Variants in ZNF462 observed in about 807,000 individuals in gnomAD.
The protein encoded by ZNF462 is zinc finger PBX1-interacting protein.
In ZNF462, 10 loss-of-function variants were observed where a neutral mutation model predicts 201.9. That is an observed-to-expected ratio of 0.05 (90% CI 0.03 to 0.08). The LOEUF (loss-of-function observed/expected upper bound fraction) is 0.08. Among genes scored for constraint, ZNF462 ranks in the 10% least tolerant of loss-of-function variants. ZNF462 has a pLI of 1.00. For synonymous variants in ZNF462, 1,227 were observed against 1,193.3 expected (o/e 1.03, Z -0.58); for missense variants, 2,523 against 3,168.3 (o/e 0.80, Z 4.89).
intron 1 of ZNF462, among the ~76,000 whole-genome samples, chr9:106,916,271 C>G (rs75141999): frequency 6.6e-6 from 1 of 152,106 alleles, no homozygotes; most frequent in African/African-American, 2.4e-5. Context: ...GCCATGAAGA[C>G]GCACCCAAGG....
intron 5 of ZNF462, among the ~76,000 whole-genome samples, chr9:106,934,655 C>G (rs1220075150): frequency 6.6e-6 from 1 of 152,148 alleles, no homozygotes; most frequent in Non-Finnish European, 1.5e-5. Flanking sequence ...GAGCTCAGGA[C>G]AGCATTATAT....
intron 9 of ZNF462, among the ~76,000 whole-genome samples, chr9:106,983,923 A>G (rs1827634013): frequency 6.6e-6 from 1 of 152,160 alleles, no homozygotes; most frequent in Non-Finnish European, 1.5e-5. Flanking sequence ...GCAAGCACCT[A>G]CTAGCCCACC....
intron 1 of ZNF462, among the ~76,000 whole-genome samples, chr9:106,891,031 T>C (rs975686643): frequency 5.3e-5 from 8 of 152,182 alleles, no homozygotes; most frequent in Admixed American, 1.3e-4. Context: ...TTAGCTAATT[T>C]AGTAAAAAAG....
chr9:106,912,782 T>G (rs2131318889), intron 1 of ZNF462, among the ~76,000 whole-genome samples: 1 of 152,296 alleles, frequency 6.6e-6, no homozygotes, highest in South Asian at 2.1e-4. Flanking sequence ...TATTGATGGT[T>G]AACTTTTAGA....
intron 1 of ZNF462, among the ~76,000 whole-genome samples, chr9:106,879,102 T>C (rs1362401813): frequency 6.6e-6 from 1 of 152,196 alleles, no homozygotes; most frequent in East Asian, 1.9e-4. Flanking sequence ...ACTGGTAATG[T>C]GTCCAGTTGC....
rs1275646450 is a variant in ZNF462, at chr9:106,939,126, G to A, written c.6427+19G>A. ...TCCAATGGTAAAAATGGGCTTCCAAGCTGGAATTAACCACTCAGGGTTGAG... is the reference window on the plus strand; with the variant it reads ...TCCAATGGTAAAAATGGGCTTCCAAACTGGAATTAACCACTCAGGGTTGAG... On this transcript the variant is annotated intron_variant, in intron 7 of 12. Coordinates refer to ENST00000277225, the MANE Select transcript of ZNF462 (RefSeq NM_021224.6). 6.4e-7 allele frequency: 1 copy of A among 1,568,234 alleles called. No individual in the cohort carries two copies. Among genetic ancestry groups the A allele is most frequent in the Non-Finnish European group, 8.6e-7 (1 of 1,157,352 alleles).
chr9:106,974,367 T>C lies in ZNF462; in HGVS notation c.6832+94T>C. 1 of 1,570,486 alleles carries C rather than the reference T, an allele frequency of 6.4e-7. No individual in the cohort carries two copies. The highest frequency in any genetic ancestry group is 8.8e-7 in the Non-Finnish European group (1 of 1,140,952). On this transcript the variant is annotated intron_variant, in intron 9 of 12. Transcript: ENST00000277225. This position sits in a 1 kb window ranked among gnomAD's most constrained non-coding sequence, Gnocchi z 4.0. The stretch of plus-strand genomic sequence containing the variant: ...GCTCTCTCAGAGTGGCAGTAGCACC[T>C]GTGCCTTGTTCCTCACCTTATCTTC...
In ZNF462 at chr9:106,866,132, C is replaced by G. The variant is rs116771168; in HGVS notation, c.-31+2777C>G. ...TTCTAAGGAGGCTAATTGGACCTTG[C>G]TTTCAACTAAGAAGAAATATAGAAA... On this transcript the variant is annotated intron_variant, in intron 1 of 12. Transcript: ENST00000277225. Among the ~76,000 whole-genome samples, 504 of 152,288 alleles carry G rather than the reference C, an allele frequency of 3.3e-3. 1 individual carries two copies. Among genetic ancestry groups the G allele is most frequent in the African/African-American group, 0.012 (482 of 41,560 alleles).
chr9:106,947,197 C>G (rs575253778), intron 7 of ZNF462, among the ~76,000 whole-genome samples: 1 of 152,306 alleles, frequency 6.6e-6, no homozygotes, highest in African/African-American at 2.4e-5. Flanking sequence ...TCGTCAAGTT[C>G]AACCCAAAGG....
In ZNF462 at chr9:106,895,433, C is replaced by G. The variant is rs1402365727; in HGVS notation, c.-30-27921C>G. 6.6e-6 allele frequency among the ~76,000 whole-genome samples: 1 copy of G among 152,192 alleles called. No individual in the cohort carries two copies. Among genetic ancestry groups the G allele is most frequent in the East Asian group, 1.9e-4 (1 of 5,188 alleles). On this transcript the variant is annotated intron_variant, in intron 1 of 12. Transcript: ENST00000277225. The surrounding 1 kb of genome is among the most constrained non-coding windows in gnomAD (Gnocchi z 4.4). The stretch of plus-strand genomic sequence containing the variant: ...CCTTTATCTCTTCCCTGGACCATCT[C>G]AGCAGCTGCTTAGCAGCCTGTTTCC...
At position 106,923,982 on chromosome 9, in the gene ZNF462, T is replaced by C. The variant is rs976559787; in HGVS notation, c.221-151T>C. 1.5e-6 allele frequency: 1 copy of C among 671,438 alleles called. No homozygotes were observed. The highest frequency in any genetic ancestry group is 1.8e-5 in the African/African-American group (1 of 55,000). 41.6% of individuals were successfully genotyped at this position (671,438 alleles called of 1,614,324 possible). On this transcript the variant is annotated intron_variant, in intron 2 of 12. Coordinates refer to ENST00000277225, the MANE Select transcript of ZNF462 (RefSeq NM_021224.6). The surrounding 1 kb of genome is among the most constrained non-coding windows in gnomAD (Gnocchi z 5.6). ...CAGTACGTATATCTTCATTGATGCT[T>C]TGTGAATACTCTTCAAGGCCTCATC...
Position 107,003,526 on chromosome 9 carries a change from T to G in ZNF462, c.7189+100T>G. ...GTTGTTGTAGGAGTAACAGAAGGAA[T>G]GATCCTTCTTAGTTAAGTAGCAGAA... On this transcript the variant is annotated intron_variant, in intron 11 of 12. Transcript: ENST00000277225. This position sits in a 1 kb window ranked among gnomAD's most constrained non-coding sequence, Gnocchi z 4.4. The G allele has an allele frequency of 7.0e-7, 1 of 1,426,838 alleles. No individual in the cohort carries two copies. The highest frequency in any genetic ancestry group is 9.4e-7 in the Non-Finnish European group (1 of 1,061,916). The allele number at this position is 1,426,838 out of a possible 1,614,324, so 88.4% of individuals were successfully genotyped here.
intron 10 of ZNF462, among the ~76,000 whole-genome samples, chr9:106,986,636 G>A (rs748143395): frequency 5.9e-5 from 9 of 151,886 alleles, no homozygotes; most frequent in Non-Finnish European, 1.0e-4. Context: ...TTTTTCCATT[G>A]AGTATTGCGA....
chr9:106,911,092 C>T (rs1829531472), intron 1 of ZNF462, among the ~76,000 whole-genome samples: 2 of 149,184 alleles, frequency 1.3e-5, no homozygotes, highest in African/African-American at 2.4e-5. Context: ...GTGTCATGAA[C>T]CCTTCTGAAG....
In ZNF462 at chr9:106,927,165, G is replaced by A. The variant is rs768535431; in HGVS notation, c.3253G>A (p.Val1085Met). The part of the protein sequence containing the change: ...GSALSQLSFE[V>M]GAPMSPKMSN... ...TGCCCTTTCTCAATTATCATTTGAG[G>A]TGGGTGCTCCAATGTCTCCCAAAAT... Residue 1085 changes from valine (V) to methionine (M), a missense_variant, in exon 3 of 13, where the codon GTG becomes ATG. Val to Met is a conservative substitution (Grantham distance 21). Around this residue, in one of 15 missense-constraint regions of ZNF462, gnomAD observed 280 missense variants for 321.3 expected, o/e 0.87. Transcript: ENST00000277225. 3.1e-6 allele frequency: 5 copies of A among 1,613,880 alleles called. No individual in the cohort carries two copies. The highest frequency in any genetic ancestry group is 4.2e-6 in the Non-Finnish European group (5 of 1,180,004).
chr9:106,928,815 A>G lies in ZNF462; in HGVS notation c.4903A>G (p.Thr1635Ala). The change falls in exon 3 of 13, where the codon ACT (threonine) becomes GCT (alanine). Residue 1635 changes from threonine (T) to alanine (A), a missense_variant. Physicochemically the swap from Thr to Ala is moderately conservative, Grantham distance 58 (BLOSUM62 0). Transcript: ENST00000277225. The surrounding 1 kb of genome is among the most constrained non-coding windows in gnomAD (Gnocchi z 9.3). ...TEVSPSQVSI[T>A]EEEVGEEPVS... ...AGTGAGCCCTTCCCAAGTCTCCATC[A>G]CTGAGGAGGAGGTGGGAGAGGAGCC... The G allele has an allele frequency of 6.2e-7, 1 of 1,614,018 alleles. No individual in the cohort carries two copies. Among genetic ancestry groups the G allele is most frequent in the African/African-American group, 1.3e-5 (1 of 74,982 alleles).
chr9:106,984,138 T>A lies in ZNF462; in HGVS notation c.6833-48T>A. 6.5e-7 allele frequency: 1 copy of A among 1,538,298 alleles called. No individual in the cohort carries two copies. The highest frequency in any genetic ancestry group is 8.9e-7 in the Non-Finnish European group (1 of 1,124,806). On this transcript the variant is annotated intron_variant, in intron 9 of 12. Transcript: ENST00000277225. The surrounding 1 kb of genome is among the most constrained non-coding windows in gnomAD (Gnocchi z 6.4). ...GTATTCCAAAGAAAGAACTTCTGTT[T>A]TGCCATCAGTAAAAATTCCCATCTT...
Position 106,984,469 on chromosome 9 carries a change from A to T in ZNF462, c.7056+60A>T, listed in dbSNP as rs1827677065. ...CACTTGTGGGGAGGGGCCAAGGGGG[A>T]GACACCACTGCATTTAGTCACGACC... On this transcript the variant is annotated intron_variant, in intron 10 of 12. Coordinates refer to ENST00000277225, the MANE Select transcript of ZNF462 (RefSeq NM_021224.6). The surrounding 1 kb of genome is among the most constrained non-coding windows in gnomAD (Gnocchi z 6.4). 1 of 1,363,990 alleles carries T rather than the reference A, an allele frequency of 7.3e-7. No individual in the cohort carries two copies. Among genetic ancestry groups the T allele is most frequent in the South Asian group, 1.3e-5 (1 of 75,458 alleles). 84.5% of individuals were successfully genotyped at this position (1,363,990 alleles called of 1,614,324 possible).
At position 106,930,373 on chromosome 9, in the gene ZNF462, A is replaced by G. The variant is rs544355847; in HGVS notation, c.5848-152A>G. On this transcript the variant is annotated intron_variant, in intron 3 of 12. Transcript: ENST00000277225. The surrounding 1 kb of genome is among the most constrained non-coding windows in gnomAD (Gnocchi z 5.8). ...TAGGCAGCGTGCCATGATGCTGACA[A>G]ATTTGTTATATAAAAATACTCGCCT... The G allele has an allele frequency of 8.0e-6, 8 of 1,000,268 alleles. No individual in the cohort carries two copies. Among genetic ancestry groups the G allele is most frequent in the Non-Finnish European group, 1.1e-5 (8 of 703,206 alleles). The allele number at this position is 1,000,268 out of a possible 1,614,324, so 62.0% of individuals were successfully genotyped here. A position where few individuals can be genotyped will look rare whatever the true frequency, so the allele number is the denominator to read the frequency against.
Sources: gnomAD v4.1 joint callset for allele counts (sites outside exome capture counted in the v4.1 genomes callset) on GRCh38, gnomAD v4.1.1 for gene constraint, gnomAD v4.1.1 regional missense constraint, Gnocchi (gnomAD v3.1) non-coding constraint, MANE v1.5 for transcripts, NCBI Gene and HGNC (gene_info 2026-07-23, HGNC 2026-07-21) for gene names.